The following KIF26B variants were observed in gnomAD, a reference collection of about 807,000 sequenced individuals.
The protein encoded by KIF26B is kinesin family member 26B.
KIF26B carries 63 observed loss-of-function variants against 151.2 expected under a neutral mutation model. The observed-to-expected ratio is 0.42, with a 90% CI of 0.34 to 0.51. The LOEUF (loss-of-function observed/expected upper bound fraction) is 0.51, where lower values mean the gene tolerates loss of function less well. KIF26B is among the 20% of genes least tolerant of loss of function. KIF26B has a pLI of 0.07. For synonymous variants in KIF26B, 1,357 were observed against 1,262.1 expected (o/e 1.08, Z -1.59); for missense variants, 2,813 against 2,913.6 (o/e 0.97, Z 0.79).
chr1:245,678,630 A>T (rs565234430), intron 10 of KIF26B, among the ~76,000 whole-genome samples: 2 of 152,188 alleles, frequency 1.3e-5, no homozygotes, highest in East Asian at 3.9e-4. Context: ...TTGGGAGGCC[A>T]AGGAGGGAGG....
chr1:245,633,411 A>G (rs554574090), intron 9 of KIF26B, among the ~76,000 whole-genome samples: 287 of 151,904 alleles, frequency 1.9e-3, no homozygotes, highest in African/African-American at 6.6e-3. Context: ...CTGTTTTATG[A>G]TGGTTTTGTA....
At chr1:245,253,978 T>A (rs1035368610) in intron 2 of KIF26B, among the ~76,000 whole-genome samples, 2 of 151,586 alleles carry the variant, frequency 1.3e-5, no homozygotes, top group African/African-American at 4.8e-5. Context: ...CCCGGCTGAT[T>A]TTTTTGTATT....
At chr1:245,478,952 C>T (rs554960051) in intron 4 of KIF26B, among the ~76,000 whole-genome samples, 1 of 151,808 alleles carries the variant, frequency 6.6e-6, no homozygotes, top group Admixed American at 6.6e-5. Flanking sequence ...AGAATCAGCC[C>T]GAGGATTTTG....
intron 4 of KIF26B, among the ~76,000 whole-genome samples, chr1:245,438,513 T>C (rs1027402890): frequency 7.2e-5 from 11 of 152,220 alleles, no homozygotes; most frequent in Admixed American, 5.9e-4. Flanking sequence ...TTCACTCTTA[T>C]ACCACCCAGA....
chr1:245,189,035 CAG>C (rs751113500), intron 2 of KIF26B, among the ~76,000 whole-genome samples: 8 of 152,234 alleles, frequency 5.3e-5, no homozygotes, highest in Non-Finnish European at 1.2e-4. Flanking sequence ...TGGTGGTTGT[CAG>C]GGGCTGGAGT....
At chr1:245,264,194 C>T (rs1670700154) in intron 2 of KIF26B, among the ~76,000 whole-genome samples, 1 of 152,118 alleles carries the variant, frequency 6.6e-6, no homozygotes, top group South Asian at 2.1e-4. Flanking sequence ...AGGTCTATCA[C>T]CAAAGAATTC....
intron 5 of KIF26B, among the ~76,000 whole-genome samples, chr1:245,579,980 G>A (rs756303869): frequency 2.6e-5 from 4 of 152,166 alleles, no homozygotes; most frequent in Admixed American, 1.3e-4. Flanking sequence ...CATGAGACAC[G>A]GGTTTCCTCT....
intron 2 of KIF26B, among the ~76,000 whole-genome samples, chr1:245,249,871 T>C (rs1670410628): frequency 6.6e-6 from 1 of 152,188 alleles, no homozygotes; most frequent in Non-Finnish European, 1.5e-5. Context: ...TAGAATAATA[T>C]TAACATTTGA....
chr1:245,372,480 A>G (rs1185797452), intron 3 of KIF26B, among the ~76,000 whole-genome samples: 1 of 152,134 alleles, frequency 6.6e-6, no homozygotes, highest in Non-Finnish European at 1.5e-5. Flanking sequence ...TAGTGAGCAT[A>G]GTACCCAAAA....
intron 2 of KIF26B, among the ~76,000 whole-genome samples, chr1:245,238,355 T>G (rs60580319): frequency 0.069 from 10,533 of 152,142 alleles, 811 homozygotes; most frequent in African/African-American, 0.19. Flanking sequence ...AATATTGTCA[T>G]TTGAGAATCA....
At chr1:245,462,092 C>T (rs894474510) in intron 4 of KIF26B, among the ~76,000 whole-genome samples, 2 of 151,866 alleles carry the variant, frequency 1.3e-5, no homozygotes, top group Non-Finnish European at 2.9e-5. Context: ...CACTGCACTC[C>T]AGCCTTGGCA....
Position 245,280,656 on chromosome 1 carries a change from A to G in KIF26B, c.466-86178A>G, listed in dbSNP as rs1468436395. On this transcript the variant is annotated intron_variant, in intron 2 of 14. Transcript: ENST00000407071. ...TTTAGGGTACATGTGCACGTTGTGC[A>G]GGTTAGTTACATATGTATACATGTG... 1.3e-3 allele frequency among the ~76,000 whole-genome samples: 145 copies of G among 113,974 alleles called. 2 individuals carry two copies. The highest frequency in any genetic ancestry group is 4.9e-3 in the African/African-American group (134 of 27,462). 74.8% of individuals were successfully genotyped at this position (113,974 alleles called of 152,430 possible). A position where few individuals can be genotyped will look rare whatever the true frequency, so the allele number is the denominator to read the frequency against.
At chr1:245,199,640 G>A (rs552061111) in intron 2 of KIF26B, among the ~76,000 whole-genome samples, 560 of 152,092 alleles carry the variant, frequency 3.7e-3, no homozygotes, top group Non-Finnish European at 6.2e-3. Context: ...CACCATGCCC[G>A]GCCAATTCCT....
At chr1:245,459,349 G>GTT (rs1659602062) in intron 4 of KIF26B, among the ~76,000 whole-genome samples, 2 of 152,126 alleles carry the variant, frequency 1.3e-5, no homozygotes, top group African/African-American at 4.8e-5. Context: ...CCCTCTTTTG[G>GTT]TTTTATTTTT....
At position 245,367,507 on chromosome 1, in the gene KIF26B, C is replaced by T; in HGVS notation, c.999+140C>T. On this transcript the variant is annotated intron_variant, in intron 3 of 14. Transcript: ENST00000407071. This position sits in a 1 kb window ranked among gnomAD's most constrained non-coding sequence, Gnocchi z 4.2. The stretch of plus-strand genomic sequence containing the variant: ...GTTTCCATGTGGCCCCCACAGAGTT[C>T]TCATCAAGGTGCCCCACCCGGGCCT... 1.2e-6 allele frequency: 1 copy of T among 855,530 alleles called. No individual in the cohort carries two copies. The highest frequency in any genetic ancestry group is 1.8e-6 in the Non-Finnish European group (1 of 569,318). The allele number at this position is 855,530 out of a possible 1,614,324, so 53.0% of individuals were successfully genotyped here.
intron 3 of KIF26B, among the ~76,000 whole-genome samples, chr1:245,403,035 C>T (rs141666213): frequency 9.7e-4 from 148 of 152,294 alleles, no homozygotes; most frequent in African/African-American, 3.5e-3. Context: ...GAGGTGCAAT[C>T]GTAGCTCACT....
At chr1:245,642,978 G>A (rs959888042) in intron 9 of KIF26B, among the ~76,000 whole-genome samples, 6 of 152,148 alleles carry the variant, frequency 3.9e-5, no homozygotes, top group Admixed American at 2.6e-4. Flanking sequence ...GCCTCTCTGC[G>A]GGTCTTAGCA....
intron 2 of KIF26B, among the ~76,000 whole-genome samples, chr1:245,257,537 A>G (rs1474527202): frequency 6.6e-6 from 1 of 152,140 alleles, no homozygotes; most frequent in East Asian, 1.9e-4. Context: ...ACTTTTCTCC[A>G]TGGTCCTTGA....
intron 4 of KIF26B, among the ~76,000 whole-genome samples, chr1:245,442,684 C>T (rs1416857275): frequency 2.0e-5 from 3 of 150,420 alleles, no homozygotes; most frequent in Non-Finnish European, 4.4e-5. Flanking sequence ...CAGTCATCTC[C>T]CTCACTGTTC....
Sources: gnomAD v4.1 joint callset for allele counts (sites outside exome capture counted in the v4.1 genomes callset) on GRCh38, gnomAD v4.1.1 for gene constraint, Gnocchi (gnomAD v3.1) non-coding constraint, MANE v1.5 for transcripts, NCBI Gene and HGNC (gene_info 2026-07-23, HGNC 2026-07-21) for gene names.